HDGFL3: variants seen among roughly 807,000 people sequenced by gnomAD.
The protein encoded by HDGFL3 is HDGF like 3, also known as hepatoma-derived growth factor-related protein 3.
A neutral mutation model predicts 27.6 loss-of-function variants in HDGFL3; 6 were observed. That is an observed-to-expected ratio of 0.22 (90% confidence interval 0.12 to 0.43). HDGFL3 has a LOEUF of 0.43. Ranked by LOEUF, HDGFL3 falls within the 20% of genes least tolerant of loss-of-function variation. The pLI is 1.00. For synonymous variants in HDGFL3, 88 were observed against 88.9 expected (o/e 0.99, Z 0.05); for missense variants, 207 against 250.1 (o/e 0.83, Z 1.16).
intron 2 of HDGFL3, among the ~76,000 whole-genome samples, chr15:83,159,032 G>C (rs1354592110): frequency 6.6e-6 from 1 of 151,906 alleles, no homozygotes; most frequent in South Asian, 2.1e-4. Flanking sequence ...GTAGAGACGG[G>C]GTTTCGCCAC....
At position 83,207,016 on chromosome 15, in the gene HDGFL3, G is replaced by T. The variant is rs2037726280; in HGVS notation, c.84+315C>A. On this transcript the variant is annotated intron_variant, in intron 1 of 5. Transcript: ENST00000299633. The surrounding 1 kb of genome is among the most constrained non-coding windows in gnomAD (Gnocchi z 4.8). ...GCCCGGAGCCGAAGCCTCCGTCGCA[G>T]GCCCGCTGCCCGGCGGCGTGGCTTC... is the stretch of plus-strand genomic sequence containing the variant. Among the ~76,000 whole-genome samples the T allele has an allele frequency of 6.6e-6, 1 of 152,232 alleles. No individual in the cohort carries two copies. The highest frequency in any genetic ancestry group is 1.5e-5 in the Non-Finnish European group (1 of 68,032).
chr15:83,114,646 C>G (rs957419882), exon 4 of HDGFL3: 1 of 152,570 alleles, frequency 6.6e-6, no homozygotes, highest in Non-Finnish European at 1.5e-5. Flanking sequence ...GGCTTCCCTT[C>G]TCTGTGAATT....
chr15:83,145,295 A>C (rs2036868209), intron 5 of HDGFL3, among the ~76,000 whole-genome samples: 1 of 151,756 alleles, frequency 6.6e-6, no homozygotes, highest in South Asian at 2.1e-4. Flanking sequence ...AGAACCCCCA[A>C]CCCCATTCTT....
rs1025240656 is a variant in HDGFL3 at position 83,130,371 on chromosome 15, T to G, written c.*8899A>C. The G allele has an allele frequency of 1.3e-5, 2 of 152,410 alleles. No homozygotes were observed. Among genetic ancestry groups the G allele is most frequent in the Non-Finnish European group, 2.9e-5 (2 of 68,176 alleles). The allele number at this position is 152,410 out of a possible 1,614,324, so 9.4% of individuals were successfully genotyped here. A position where few individuals can be genotyped will look rare whatever the true frequency, so the allele number is the denominator to read the frequency against. ...TGGTTCTGAGAAGGGCAGTGTGGAC[T>G]ACAGAGCAGCTGGCAGCCGCAGGGG... On this transcript the variant is annotated 3_prime_UTR_variant, in exon 6 of 6. Transcript: ENST00000299633.
At chr15:83,125,364 G>A (rs1319971464), downstream of HDGFL3, among the ~76,000 whole-genome samples, 1 of 152,158 alleles carries the variant, frequency 6.6e-6, no homozygotes, top group Non-Finnish European at 1.5e-5. Context: ...TTACTGCAGA[G>A]GTTAGGAAAA....
intron 3 of HDGFL3, chr15:83,122,629 G>T: frequency 1.1e-6 from 1 of 909,874 alleles, no homozygotes; most frequent in Non-Finnish European, 1.7e-6. Flanking sequence ...TTTTTAATTT[G>T]GCCTCATTAA....
At position 83,138,458 on chromosome 15, in the gene HDGFL3, C is replaced by T. The variant is rs1197434653; in HGVS notation, c.*812G>A. On this transcript the variant is annotated 3_prime_UTR_variant, in exon 6 of 6. Transcript: ENST00000299633. The stretch of plus-strand genomic sequence containing the variant: ...TTCTAATTGTAGTTCCAAAAGAAAA[C>T]AGTTTATTTTAAAAGTCTACATTTA... 3 of 152,482 alleles carry T rather than the reference C, an allele frequency of 2.0e-5. No homozygotes were observed. The highest frequency in any genetic ancestry group is 1.9e-4 in the East Asian group (1 of 5,186). 9.4% of individuals were successfully genotyped at this position (152,482 alleles called of 1,614,324 possible).
downstream of HDGFL3, among the ~76,000 whole-genome samples, chr15:83,125,452 ACT>A (rs1464838433): frequency 5.9e-5 from 9 of 152,092 alleles, no homozygotes; most frequent in African/African-American, 1.9e-4. Flanking sequence ...AACCTCTTGG[ACT>A]CTGTTTTCCT....
rs1214287938 is a variant in HDGFL3, at chr15:83,157,924, T to C, written c.279A>G (p.Gly93=). The stretch of plus-strand genomic sequence containing the variant: ...TTACCTGGTAGCCAGTAAACTTTAC[T>C]CCTGGGTTATTTTCTATTTCCCACA... ...EGLWEIENNP[G]VKFTGYQAIQ... Residue 93 remains glycine (G), a synonymous_variant, in exon 3 of 6, where the codon GGA becomes GGG. Coordinates refer to ENST00000299633, the MANE Select transcript of HDGFL3 (RefSeq NM_016073.4). 11 of 1,612,258 alleles carry C rather than the reference T, an allele frequency of 6.8e-6. No individual in the cohort carries two copies. Among genetic ancestry groups the C allele is most frequent in the Non-Finnish European group, 9.3e-6 (11 of 1,179,466 alleles).
At chr15:83,202,462 A>G (rs1446511588) in intron 1 of HDGFL3, among the ~76,000 whole-genome samples, 2 of 152,162 alleles carry the variant, frequency 1.3e-5, no homozygotes, top group African/African-American at 2.4e-5. Flanking sequence ...AAGAAAGTCT[A>G]AAGAGAATGC....
chr15:83,180,113 A>AG (rs984910124), intron 1 of HDGFL3, among the ~76,000 whole-genome samples: 2 of 152,060 alleles, frequency 1.3e-5, no homozygotes, highest in Non-Finnish European at 2.9e-5. Context: ...ATAGTGGAAA[A>AG]GGAAAAAAAA....
intron 1 of HDGFL3, among the ~76,000 whole-genome samples, chr15:83,203,589 T>C (rs2037678633): frequency 6.6e-6 from 1 of 152,088 alleles, no homozygotes; most frequent in Non-Finnish European, 1.5e-5. Context: ...ACTTCTATTC[T>C]AGAAAATCTC....
At chr15:83,126,201 T>C (rs1373817075), downstream of HDGFL3, among the ~76,000 whole-genome samples, 1 of 151,996 alleles carries the variant, frequency 6.6e-6, no homozygotes, top group Non-Finnish European at 1.5e-5. Context: ...GCCAAAGACA[T>C]GAGGAATGGT....
rs375441475 is a variant in HDGFL3, at chr15:83,174,745, G to A, written c.85-10670C>T. On this transcript the variant is annotated intron_variant, in intron 1 of 5. Coordinates refer to ENST00000299633, the MANE Select transcript of HDGFL3 (RefSeq NM_016073.4). ...AGTTGATAAAACATTATCACATAAT[G>A]TACTTATTTTACTCTTGTGAGAAAC... Among the ~76,000 whole-genome samples, 4 of 152,178 alleles carry A rather than the reference G, an allele frequency of 2.6e-5. No homozygotes were observed. In the East Asian group the frequency reaches 5.8e-4, roughly 22 times the overall value.
Position 83,151,200 on chromosome 15 carries a change from T to C in HDGFL3, c.606+15A>G. Reference sequence around the variant, plus strand: ...TTCTAATAGAAGGTAAGAGAAATTATAAGCACATCCTTACCCCTTCACTGG... The same window carrying C: ...TTCTAATAGAAGGTAAGAGAAATTACAAGCACATCCTTACCCCTTCACTGG... On this transcript the variant is annotated intron_variant, in intron 5 of 5. Coordinates refer to ENST00000299633, the MANE Select transcript of HDGFL3 (RefSeq NM_016073.4). 1.2e-6 allele frequency: 2 copies of C among 1,602,288 alleles called. No homozygotes were observed. The highest frequency in any genetic ancestry group is 1.7e-6 in the Non-Finnish European group (2 of 1,176,926).
chr15:83,124,718 AT>A (rs1310999748), downstream of HDGFL3: 1 of 1,614,142 alleles, frequency 6.2e-7, no homozygotes. Context: ...AGACCATTTG[AT>A]TTAATGTTGG....
intron 1 of HDGFL3, among the ~76,000 whole-genome samples, chr15:83,170,268 C>G (rs2037229724): frequency 6.6e-6 from 1 of 152,142 alleles, no homozygotes; most frequent in Admixed American, 6.5e-5. Flanking sequence ...CAAAGCAATC[C>G]TAAGCAAAAA....
In HDGFL3 at chr15:83,157,872, TATAGCAAGTGA is replaced by T. The variant is rs1333761984; in HGVS notation, c.300+20_300+30del. On this transcript the variant is annotated intron_variant, in intron 3 of 5. Transcript: ENST00000299633. ...AAGCGTTAAAACCAAAGAAATGAGA[TATAGCAAGTGA>T]CAAGGAAGTAAACCATTACCTGGTA... 10 of 1,593,512 alleles carry T rather than the reference TATAGCAAGTGA, an allele frequency of 6.3e-6. No homozygotes were observed. The highest frequency in any genetic ancestry group is 8.6e-6 in the Non-Finnish European group (10 of 1,166,142).
intron 1 of HDGFL3, among the ~76,000 whole-genome samples, chr15:83,174,398 G>GT (rs1337260100): frequency 6.6e-6 from 1 of 151,532 alleles, no homozygotes; most frequent in Non-Finnish European, 1.5e-5. Context: ...CAAGGCTATT[G>GT]TAACAGTTTT....
Sources: gnomAD v4.1 joint callset for allele counts (sites outside exome capture counted in the v4.1 genomes callset) on GRCh38, gnomAD v4.1.1 for gene constraint, Gnocchi (gnomAD v3.1) non-coding constraint, MANE v1.5 for transcripts, NCBI Gene and HGNC (gene_info 2026-07-23, HGNC 2026-07-21) for gene names.